ADGRL3: variants seen among roughly 807,000 people sequenced by gnomAD.
The protein encoded by ADGRL3 is adhesion G protein-coupled receptor L3.
ADGRL3 carries 62 observed loss-of-function variants against 153.5 expected under a neutral mutation model. That is an observed-to-expected ratio of 0.40 (90% confidence interval 0.33 to 0.50). The LOEUF (loss-of-function observed/expected upper bound fraction) is 0.50, where lower values mean the gene tolerates loss of function less well. Among genes scored for constraint, ADGRL3 ranks in the 20% least tolerant of loss-of-function variants. The pLI is 0.47. For missense variants in ADGRL3, 1,641 were observed against 1,859.4 expected, an observed-to-expected ratio of 0.88 and a Z score of 2.16; for synonymous variants, 710 against 672.5, an observed-to-expected ratio of 1.06 and a Z score of -0.86.
At chr4:61,486,463 A>G (rs2098195383) in intron 2 of ADGRL3, among the ~76,000 whole-genome samples, 1 of 152,202 alleles carries the variant, frequency 6.6e-6, no homozygotes, top group Non-Finnish European at 1.5e-5. Context: ...TGTAAGGCTT[A>G]TTAGTCTATC....
chr4:61,635,010 A>T (rs1419430674), intron 5 of ADGRL3, among the ~76,000 whole-genome samples: 1 of 152,194 alleles, frequency 6.6e-6, no homozygotes, highest in Non-Finnish European at 1.5e-5. Context: ...GAGGGCAAGA[A>T]AACTGAGAAG....
chr4:61,340,989 A>C (rs2095797486), intron 1 of ADGRL3, among the ~76,000 whole-genome samples: 1 of 152,042 alleles, frequency 6.6e-6, no homozygotes, highest in Admixed American at 6.6e-5. Context: ...ATAGTTTTCC[A>C]ACAAAATTTA....
At chr4:61,829,074 C>T (rs1262071850) in intron 9 of ADGRL3, among the ~76,000 whole-genome samples, 1 of 152,152 alleles carries the variant, frequency 6.6e-6, no homozygotes, top group Admixed American at 6.5e-5. Context: ...GGTACTTTAT[C>T]AGTAAAGGAG....
chr4:61,871,190 A>G (rs2149387505), intron 9 of ADGRL3, among the ~76,000 whole-genome samples: 1 of 152,074 alleles, frequency 6.6e-6, no homozygotes, highest in Admixed American at 6.5e-5. Context: ...AGGCAGGAGA[A>G]TGGCGTGAAC....
chr4:62,039,387 C>T (rs983714263), intron 24 of ADGRL3, among the ~76,000 whole-genome samples: 5 of 151,986 alleles, frequency 3.3e-5, no homozygotes, highest in South Asian at 2.1e-4. Context: ...CAAATAAAAC[C>T]ATGTCTTTAA....
chr4:61,799,677 C>T (rs189465566), intron 8 of ADGRL3, among the ~76,000 whole-genome samples: 19 of 152,186 alleles, frequency 1.2e-4, no homozygotes, highest in Admixed American at 1.2e-3. Flanking sequence ...ACAATATGCT[C>T]TTTAAATACC....
rs981341330 is a variant in ADGRL3, at chr4:61,816,014, A to G, written c.1480+2125A>G. Among the ~76,000 whole-genome samples the G allele has an allele frequency of 2.0e-5, 3 of 152,216 alleles. No individual in the cohort carries two copies. In the East Asian group the frequency reaches 5.8e-4, roughly 29 times the overall value. On this transcript the variant is annotated intron_variant, in intron 9 of 26. Transcript: ENST00000683033. The stretch of plus-strand genomic sequence containing the variant: ...ATGGATGCTTATGACATAATTGTTC[A>G]TCATGAGAAATAAATATGAATTATA...
chr4:61,294,437 T>A (rs2150216108), intron 1 of ADGRL3, among the ~76,000 whole-genome samples: 1 of 152,224 alleles, frequency 6.6e-6, no homozygotes. Context: ...TTCTGGTGGG[T>A]TAGGTGTATT....
intron 5 of ADGRL3, among the ~76,000 whole-genome samples, chr4:61,614,969 T>A (rs899187868): frequency 6.6e-6 from 1 of 152,140 alleles, no homozygotes; most frequent in Non-Finnish European, 1.5e-5. Context: ...GAAATAAGTA[T>A]AGGAATGATA....
intron 5 of ADGRL3, among the ~76,000 whole-genome samples, chr4:61,659,434 A>G (rs1176743241): frequency 6.6e-6 from 1 of 152,164 alleles, no homozygotes; most frequent in Non-Finnish European, 1.5e-5. Flanking sequence ...AGCATGTCCC[A>G]TGTCTAATTT....
intron 3 of ADGRL3, among the ~76,000 whole-genome samples, chr4:61,513,376 G>C (rs1384145558): frequency 6.6e-6 from 1 of 151,930 alleles, no homozygotes; most frequent in African/African-American, 2.4e-5. Flanking sequence ...GAAAACTCTG[G>C]TATTATCATC....
At chr4:61,639,521 C>A (rs138942067) in intron 5 of ADGRL3, among the ~76,000 whole-genome samples, 5 of 152,158 alleles carry the variant, frequency 3.3e-5, no homozygotes, top group Middle Eastern at 3.4e-3. Context: ...CAGTTACACT[C>A]GCAGACATAG....
At chr4:61,509,016 C>A (rs1227601225) in intron 3 of ADGRL3, among the ~76,000 whole-genome samples, 1 of 152,034 alleles carries the variant, frequency 6.6e-6, no homozygotes, top group African/African-American at 2.4e-5. Flanking sequence ...GAAACCACCC[C>A]CATGATTCAA....
chr4:61,384,931 A>G (rs1226063027), intron 2 of ADGRL3, among the ~76,000 whole-genome samples: 1 of 152,128 alleles, frequency 6.6e-6, no homozygotes, highest in Non-Finnish European at 1.5e-5. Context: ...GTAACTGCTA[A>G]CGGATACAAG....
At chr4:61,896,559 G>A (rs1171211001) in intron 11 of ADGRL3, among the ~76,000 whole-genome samples, 1 of 152,114 alleles carries the variant, frequency 6.6e-6, no homozygotes, top group Non-Finnish European at 1.5e-5. Context: ...AAGCCTGCCT[G>A]TGCCATTTGC....
chr4:61,587,254 C>T lies in ADGRL3; in HGVS notation c.287C>T (p.Ala96Val). The T allele has an allele frequency of 6.2e-7, 1 of 1,608,354 alleles. No individual in the cohort carries two copies. Among genetic ancestry groups the T allele is most frequent in the Non-Finnish European group, 8.5e-7 (1 of 1,177,124 alleles). Residue 96 changes from alanine (A) to valine (V), a missense_variant, in exon 5 of 27, where the codon GCT becomes GTT. Physicochemically the swap from Ala to Val is moderately conservative, Grantham distance 64. This residue lies in a region of ADGRL3 where 145 missense variants were observed against 79.1 expected (regional missense o/e 1.83). Coordinates refer to ENST00000683033, the MANE Select transcript of ADGRL3 (RefSeq NM_001387552.1). ...QAFSRAPIPM[A>V]VVRRELSCES... ...TTCAGCCGTGCCCCAATTCCAATGGCTGTGGTCCGCAGAGAGCTATCCTGT... is the reference window on the plus strand; with the variant it reads ...TTCAGCCGTGCCCCAATTCCAATGGTTGTGGTCCGCAGAGAGCTATCCTGT...
intron 1 of ADGRL3, among the ~76,000 whole-genome samples, chr4:61,381,160 C>A (rs2096662541): frequency 1.3e-5 from 2 of 151,860 alleles, no homozygotes; most frequent in Admixed American, 1.3e-4. Flanking sequence ...GACTCTCTGT[C>A]CTTACCTATA....
At chr4:61,467,012 T>C (rs1472632062) in intron 2 of ADGRL3, among the ~76,000 whole-genome samples, 1 of 152,146 alleles carries the variant, frequency 6.6e-6, no homozygotes, top group Non-Finnish European at 1.5e-5. Flanking sequence ...AAAGTAACTA[T>C]GTATGAATTG....
chr4:61,896,000 T>A (rs1288860912), intron 11 of ADGRL3, among the ~76,000 whole-genome samples, 166 bp downstream of exon 11: 2 of 152,178 alleles, frequency 1.3e-5, no homozygotes, highest in Admixed American at 1.3e-4. Context: ...AGAATTTTGT[T>A]GTTTTTAAAG....
Sources: gnomAD v4.1 joint callset for allele counts (sites outside exome capture counted in the v4.1 genomes callset) on GRCh38, gnomAD v4.1.1 for gene constraint, gnomAD v4.1.1 regional missense constraint, MANE v1.5 for transcripts, NCBI Gene and HGNC (gene_info 2026-07-23, HGNC 2026-07-21) for gene names.